ZPBP: variants seen among roughly 807,000 people sequenced by gnomAD.
ZPBP encodes zona pellucida binding protein, also known as zona pellucida-binding protein 1.
ZPBP carries 26 observed loss-of-function variants against 44.8 expected under a neutral mutation model. That is an observed-to-expected ratio of 0.58 (90% CI 0.43 to 0.81). ZPBP has a LOEUF of 0.81. Ranked by LOEUF, ZPBP falls within the 30% of genes least tolerant of loss-of-function variation. The pLI is 0.00. For missense variants in ZPBP, 409 were observed against 434.0 expected (o/e 0.94, Z 0.51); for synonymous variants, 174 against 153.2 (o/e 1.14, Z -1.00).
At chr7:49,921,680 T>A (rs1794024392) in intron 1 of ZPBP, 1 of 152,234 alleles carries the variant, frequency 6.6e-6, no homozygotes, top group South Asian at 2.1e-4. Flanking sequence ...TACATTGGAA[T>A]ATGAGACTTG....
At chr7:50,041,731 A>G (rs977398722) in intron 4 of ZPBP, among the ~76,000 whole-genome samples, 3 of 152,218 alleles carry the variant, frequency 2.0e-5, no homozygotes, top group Admixed American at 6.5e-5. Flanking sequence ...CCAGTGCAAA[A>G]AGGCTGAAAA....
intron 5 of ZPBP, among the ~76,000 whole-genome samples, chr7:50,018,626 T>C (rs1231510864): frequency 6.6e-6 from 1 of 152,042 alleles, no homozygotes; most frequent in Non-Finnish European, 1.5e-5. Context: ...TGTATATGTA[T>C]GTATACATTT....
chr7:49,982,312 T>C (rs1420829684), intron 7 of ZPBP, among the ~76,000 whole-genome samples: 3 of 112,728 alleles, frequency 2.7e-5, no homozygotes, highest in African/African-American at 1.1e-4. Context: ...TATATAATTA[T>C]ATAATATATA....
intron 4 of ZPBP, among the ~76,000 whole-genome samples, chr7:50,055,615 C>T (rs1800902499): frequency 6.6e-6 from 1 of 152,116 alleles, no homozygotes; most frequent in Non-Finnish European, 1.5e-5. Flanking sequence ...AATAGCAGTG[C>T]CTACATCACA....
intron 1 of ZPBP, among the ~76,000 whole-genome samples, chr7:49,909,609 C>T (rs1290687886): frequency 6.6e-6 from 1 of 152,100 alleles, no homozygotes; most frequent in East Asian, 1.9e-4. Flanking sequence ...TGACACTGGG[C>T]TCAGACATCA....
intron 3 of ZPBP, among the ~76,000 whole-genome samples, chr7:50,071,683 C>T (rs1453384045): frequency 1.3e-5 from 2 of 151,942 alleles, no homozygotes; most frequent in Non-Finnish European, 2.9e-5. Context: ...CCAGCCCAAG[C>T]ACAGTAGGAT....
chr7:50,041,800 G>A (rs1286099297), intron 4 of ZPBP, among the ~76,000 whole-genome samples: 1 of 152,138 alleles, frequency 6.6e-6, no homozygotes, highest in East Asian at 1.9e-4. Context: ...ACCAGCAAGG[G>A]AACAAAACTG....
intron 2 of ZPBP, among the ~76,000 whole-genome samples, chr7:49,874,156 G>A (rs770343398): frequency 1.3e-5 from 2 of 151,924 alleles, no homozygotes; most frequent in South Asian, 4.1e-4. Context: ...TTTTGAAAAA[G>A]TGAAACTATA....
chr7:49,911,751 G>A (rs1288176618), intron 1 of ZPBP, among the ~76,000 whole-genome samples: 1 of 151,734 alleles, frequency 6.6e-6, no homozygotes, highest in African/African-American at 2.4e-5. Context: ...ACAAAAACTA[G>A]CTGGGTATAG....
intron 5 of ZPBP, among the ~76,000 whole-genome samples, chr7:50,024,678 G>A (rs941851956): frequency 6.6e-6 from 1 of 151,884 alleles, no homozygotes; most frequent in Non-Finnish European, 1.5e-5. Flanking sequence ...AGGGGTGGGA[G>A]TAATAAGGAG....
rs570132900 is a variant in ZPBP, at chr7:49,981,306, AT to A, written c.961+2035del. On this transcript the variant is annotated intron_variant, in intron 7 of 7. Transcript: ENST00000046087. ...TATTATATAATATATATTATATATA[AT>A]TATATATTATATAATATATATTATA... 6.1e-4 allele frequency among the ~76,000 whole-genome samples: 35 copies of A among 57,564 alleles called. 1 individual carries two copies. In the South Asian group the frequency reaches 9.0e-3, roughly 15 times the overall value. The allele number at this position is 57,564 out of a possible 152,430, so 37.8% of individuals were successfully genotyped here. A position where few individuals can be genotyped will look rare whatever the true frequency, so the allele number is the denominator to read the frequency against.
intron 7 of ZPBP, among the ~76,000 whole-genome samples, chr7:49,960,975 C>A (rs769273070): frequency 7.9e-5 from 12 of 152,122 alleles, no homozygotes; most frequent in Non-Finnish European, 1.8e-4. Flanking sequence ...AATTATACAG[C>A]CACTTTATAA....
At chr7:49,885,791 A>C (rs1323535469) in intron 2 of ZPBP, among the ~76,000 whole-genome samples, 4 of 152,220 alleles carry the variant, frequency 2.6e-5, no homozygotes, top group Non-Finnish European at 4.4e-5. Flanking sequence ...TGCGGCCTGG[A>C]CCACTAGCAC....
At chr7:50,044,972 C>G (rs1480033957) in intron 4 of ZPBP, among the ~76,000 whole-genome samples, 8 of 152,196 alleles carry the variant, frequency 5.3e-5, no homozygotes, top group Non-Finnish European at 1.5e-5. Context: ...AGCTTCAACT[C>G]TGGGATGCAA....
At chr7:49,923,590 C>A (rs138507714) in intron 1 of ZPBP, among the ~76,000 whole-genome samples, 50 of 145,476 alleles carry the variant, frequency 3.4e-4, no homozygotes, top group Non-Finnish European at 6.6e-4. Flanking sequence ...TATCTTAATT[C>A]TGTGTGTTTT....
chr7:49,943,601 T>A, intron 7 of ZPBP: 1 of 359,788 alleles, frequency 2.8e-6, no homozygotes, highest in South Asian at 2.5e-5. Context: ...AAAGCAAGTG[T>A]TGGCTAATCC....
chr7:50,015,790 T>C (rs190495539), intron 6 of ZPBP, among the ~76,000 whole-genome samples: 1 of 152,016 alleles, frequency 6.6e-6, no homozygotes, highest in Non-Finnish European at 1.5e-5. Context: ...CCAGCAAGCA[T>C]ATGAAAAAGC....
At chr7:49,974,795 C>G (rs1165996367) in intron 7 of ZPBP, among the ~76,000 whole-genome samples, 1 of 176 alleles carries the variant, frequency 5.7e-3, no homozygotes, top group Non-Finnish European at 0.012. Context: ...TAGTCTCAAA[C>G]TACTTTCTAA....
chr7:49,974,039 C>T (rs1355709702), intron 7 of ZPBP, among the ~76,000 whole-genome samples: 1 of 151,888 alleles, frequency 6.6e-6, no homozygotes, highest in African/African-American at 2.4e-5. Flanking sequence ...AAGCCAGACA[C>T]AAAAAGACAG....
Sources: allele counts gnomAD v4.1 joint callset (sites outside exome capture counted in the v4.1 genomes callset), GRCh38; gene constraint gnomAD v4.1.1; transcripts MANE v1.5; gene names NCBI Gene and HGNC (gene_info 2026-07-23, HGNC 2026-07-21).